BUB1: variants seen among roughly 807,000 people sequenced by gnomAD.
The protein encoded by BUB1 is BUB1 mitotic checkpoint serine/threonine kinase.
BUB1 carries 84 observed loss-of-function variants against 135.2 expected under a neutral mutation model. That is an observed-to-expected ratio of 0.62 (90% CI 0.52 to 0.74). BUB1 has a LOEUF of 0.74. Among genes scored for constraint, BUB1 ranks in the 30% least tolerant of loss-of-function variants. BUB1 has a pLI of 0.00. For synonymous variants in BUB1, 403 were observed against 434.4 expected, an observed-to-expected ratio of 0.93 and a Z score of 0.90; for missense variants, 1,162 against 1,288.3, an observed-to-expected ratio of 0.90 and a Z score of 1.50.
At chr2:110,643,213 A>G (rs1689549942) in intron 19 of BUB1, among the ~76,000 whole-genome samples, 1 of 152,156 alleles carries the variant, frequency 6.6e-6, no homozygotes, top group African/African-American at 2.4e-5. Flanking sequence ...TTAGAGACAG[A>G]CAAGTGGACG....
rs1690107983 is a variant in BUB1 at position 110,661,792 on chromosome 2, C to T, written c.1007G>A (p.Arg336Lys). ...ATAGGTTACTGGAAGACATGGCGCTCTCAGTTCCTGCTGGGAGCCTACACT... is the reference window on the plus strand; with the variant it reads ...ATAGGTTACTGGAAGACATGGCGCTTTCAGTTCCTGCTGGGAGCCTACACT... ...GPSVGSQQELRAPCLPVTYQQ... is the reference protein window; with the variant it reads ...GPSVGSQQELKAPCLPVTYQQ... Residue 336 changes from arginine to lysine, a missense_variant, in exon 10 of 25, where the codon AGA (arginine) becomes AAA (lysine). Coordinates refer to ENST00000302759, the MANE Select transcript of BUB1 (RefSeq NM_004336.5). The T allele has an allele frequency of 1.2e-6, 2 of 1,614,092 alleles. No homozygotes were observed. Among genetic ancestry groups the T allele is most frequent in the Admixed American group, 3.3e-5 (2 of 60,012 alleles).
rs1689694617 is a variant in BUB1, at chr2:110,648,247, CA to C, written c.2347+986del. Among the ~76,000 whole-genome samples, 1 of 151,080 alleles carries C rather than the reference CA, an allele frequency of 6.6e-6. No individual in the cohort carries two copies. The highest frequency in any genetic ancestry group is 1.5e-5 in the Non-Finnish European group (1 of 67,820). ...AAAGCTATCAAATCATGAAATGACACAAGGGAACCTTAAATGCATATTGCTA... is the reference window on the plus strand; with the variant it reads ...AAAGCTATCAAATCATGAAATGACACAGGGAACCTTAAATGCATATTGCTA... On this transcript the variant is annotated intron_variant, in intron 19 of 24. Transcript: ENST00000302759. This position sits in a 1 kb window ranked among gnomAD's most constrained non-coding sequence, Gnocchi z 4.2.
chr2:110,642,353 G>T, intron 19 of BUB1, 119 bp from the exon 20 acceptor site: 2 of 576,454 alleles, frequency 3.5e-6, no homozygotes, highest in Non-Finnish European at 6.0e-6. Context: ...ACTGTCTGCA[G>T]TTGTTAACTC....
chr2:110,662,806 CACAA>C (rs1690133972), intron 9 of BUB1, among the ~76,000 whole-genome samples: 1 of 151,816 alleles, frequency 6.6e-6, no homozygotes, highest in African/African-American at 2.4e-5. Context: ...TGCCTCAAAA[CACAA>C]ACAAACACAC....
chr2:110,667,960 C>A, intron 6 of BUB1, 111 bp from the exon 7 acceptor site: 1 of 909,092 alleles, frequency 1.1e-6, no homozygotes, highest in Non-Finnish European at 1.7e-6. Flanking sequence ...GACCTTAATC[C>A]CAAGTAGATT....
chr2:110,649,385 G>T lies in BUB1; in HGVS notation c.2204-8C>A. 7 of 1,410,212 alleles carry T rather than the reference G, an allele frequency of 5.0e-6. No individual in the cohort carries two copies. The highest frequency in any genetic ancestry group is 1.7e-5 in the South Asian group (1 of 60,558). 87.4% of individuals were successfully genotyped at this position (1,410,212 alleles called of 1,614,324 possible). ...GGTTCCCAACAATGAAGTCTTAAAG[G>T]AATGAGAAAAAAAAAAAAAAAGGGA... On this transcript the variant is annotated splice_polypyrimidine_tract_variant and splice_region_variant and intron_variant, in intron 18 of 24. Transcript: ENST00000302759.
chr2:110,655,676 A>G (rs1689911450), intron 16 of BUB1, 63 bp downstream of exon 16: 1 of 1,384,080 alleles, frequency 7.2e-7, no homozygotes, highest in Non-Finnish European at 9.7e-7. Flanking sequence ...ATCAAACTTC[A>G]TGAAGAAAAC....
intron 19 of BUB1, among the ~76,000 whole-genome samples, chr2:110,645,333 C>T (rs1051978342): frequency 6.6e-5 from 10 of 151,630 alleles, no homozygotes; most frequent in Non-Finnish European, 1.2e-4. Context: ...ACTCAGGAGG[C>T]TGAGACAGGA....
chr2:110,643,036 T>G lies in BUB1; in HGVS notation c.2348-802A>C, dbSNP rs186112927. Among the ~76,000 whole-genome samples the G allele has an allele frequency of 2.0e-5, 3 of 152,288 alleles. No homozygotes were observed. In the East Asian group the frequency reaches 5.8e-4, roughly 29 times the overall value. ...ATTAAATTAAAAACAAGAATTCACA[T>G]GTTCAAAATCAGATGTAAAGTAGTA... On this transcript the variant is annotated intron_variant, in intron 19 of 24. Coordinates refer to ENST00000302759, the MANE Select transcript of BUB1 (RefSeq NM_004336.5).
At position 110,642,209 on chromosome 2, in the gene BUB1, G is replaced by A. The variant is rs149429986; in HGVS notation, c.2373C>T (p.His791=). Residue 791 remains histidine, a synonymous_variant, in exon 20 of 25, where the codon CAC becomes CAT. Transcript: ENST00000302759. The stretch of plus-strand genomic sequence containing the variant: ...GGGCAAAGGCTCCTTCTCCAAGAAG[G>A]TGATGGACATAGACCAGCTTAGAAC... The part of the protein sequence containing the change: ...QLGSKLVYVH[H]LLGEGAFAQV... The A allele has an allele frequency of 1.9e-6, 3 of 1,613,456 alleles. No individual in the cohort carries two copies. The highest frequency in any genetic ancestry group is 1.1e-5 in the South Asian group (1 of 90,978).
In BUB1 at chr2:110,648,362, A is replaced by G. The variant is rs1305681547; in HGVS notation, c.2347+872T>C. 6.6e-6 allele frequency among the ~76,000 whole-genome samples: 1 copy of G among 152,226 alleles called. No homozygotes were observed. The highest frequency in any genetic ancestry group is 2.4e-5 in the African/African-American group (1 of 41,456). On this transcript the variant is annotated intron_variant, in intron 19 of 24. Transcript: ENST00000302759. This position sits in a 1 kb window ranked among gnomAD's most constrained non-coding sequence, Gnocchi z 4.2. Reference sequence around the variant, plus strand: ...AAGGCAAAACTACACAGACAGCAAAACAATCAGTGGTTGCCAGGCGTTGGG... The same window carrying G: ...AAGGCAAAACTACACAGACAGCAAAGCAATCAGTGGTTGCCAGGCGTTGGG...
chr2:110,667,961 C>A (rs2104552937), intron 6 of BUB1, 112 bp from the exon 7 acceptor site: 2 of 899,658 alleles, frequency 2.2e-6, no homozygotes, highest in South Asian at 3.6e-5. Context: ...ACCTTAATCC[C>A]AAGTAGATTT....
intron 9 of BUB1, 99 bp from the exon 10 acceptor site, chr2:110,661,940 A>G: frequency 7.1e-7 from 1 of 1,410,436 alleles, no homozygotes; most frequent in Non-Finnish European, 9.6e-7. Context: ...ATCTGTCTTC[A>G]ATGGATTCCT....
At chr2:110,646,464 G>A (rs567983730) in intron 19 of BUB1, among the ~76,000 whole-genome samples, 7 of 152,168 alleles carry the variant, frequency 4.6e-5, no homozygotes, top group African/African-American at 1.7e-4. Context: ...TCAATCAATT[G>A]GATCTAATTG....
intron 17 of BUB1, among the ~76,000 whole-genome samples, chr2:110,651,830 T>C (rs562762924): frequency 4.4e-4 from 67 of 152,320 alleles, no homozygotes; most frequent in Non-Finnish European, 8.1e-4. Flanking sequence ...CCATTGCCTA[T>C]AGTATTCAAT....
intron 5 of BUB1, 91 bp from the exon 6 acceptor site, chr2:110,669,644 T>C (rs189519545): frequency 7.7e-5 from 59 of 770,608 alleles, no homozygotes; most frequent in East Asian, 7.3e-4. Flanking sequence ...ATCCTTCCAG[T>C]AGGAATCATA....
In BUB1 at chr2:110,653,493, G is replaced by C. The variant is rs200797921; in HGVS notation, c.1907C>G (p.Ala636Gly). The C allele has an allele frequency of 1.2e-4, 190 of 1,613,782 alleles. 5 individuals carry two copies. In the South Asian group the frequency reaches 2.0e-3, roughly 17 times the overall value. ...ENVVAKQCTQ[A>G]TLDSCEENMV... Reference sequence around the variant, plus strand: ...GTTTTCCTCACAAGAATCCAAAGTCGCCTGGGTACACTGTTTTGCTACCAC... The same window carrying C: ...GTTTTCCTCACAAGAATCCAAAGTCCCCTGGGTACACTGTTTTGCTACCAC... The change falls in exon 17 of 25, where the codon GCG becomes GGG. Residue 636 changes from alanine (A) to glycine (G), a missense_variant. Physicochemically the swap from Ala to Gly is moderately conservative, Grantham distance 60. Coordinates refer to ENST00000302759, the MANE Select transcript of BUB1 (RefSeq NM_004336.5).
At chr2:110,669,702 C>T (rs904128837) in intron 5 of BUB1, 149 bp from the exon 6 acceptor site, 57 of 550,320 alleles carry the variant, frequency 1.0e-4, no homozygotes, top group East Asian at 8.6e-5. Context: ...TCAACTAAAA[C>T]GTTTTTAAAA....
At chr2:110,669,679 T>C (rs993570508) in intron 5 of BUB1, 126 bp from the exon 6 acceptor site, 5 of 587,140 alleles carry the variant, frequency 8.5e-6, no homozygotes, top group Admixed American at 3.0e-5. Context: ...TCATTCACAC[T>C]GTCTCAGAAA....
Sources: gnomAD v4.1 joint callset for allele counts (sites outside exome capture counted in the v4.1 genomes callset) on GRCh38, gnomAD v4.1.1 for gene constraint, Gnocchi (gnomAD v3.1) non-coding constraint, MANE v1.5 for transcripts, NCBI Gene and HGNC (gene_info 2026-07-23, HGNC 2026-07-21) for gene names.